The following CMC2 variants were observed in gnomAD, a reference collection of about 807,000 sequenced individuals.
The protein encoded by CMC2 is COX assembly mitochondrial protein 2 homolog.
CMC2 carries 5 observed loss-of-function variants against 7.5 expected under a neutral mutation model. The ratio of observed to expected loss-of-function variants is 0.66; its 90% CI spans 0.35 to 1.40. CMC2 has a LOEUF of 1.40. Among genes scored for constraint, CMC2 ranks in the 40% most tolerant of loss-of-function variants. The probability of loss-of-function intolerance (pLI) is 0.04; values close to 1 mark genes in which losing one functional copy is unlikely to be tolerated. For synonymous variants in CMC2, 37 were observed against 31.4 expected, an observed-to-expected ratio of 1.18 and a Z score of -0.60; for missense variants, 115 against 92.3, an observed-to-expected ratio of 1.25 and a Z score of -1.01.
At chr16:80,999,213 G>C (rs1968663755) in intron 1 of CMC2, among the ~76,000 whole-genome samples, 1 of 152,004 alleles carries the variant, frequency 6.6e-6, no homozygotes, top group African/African-American at 2.4e-5. Context: ...AATGACTTGA[G>C]TAGTTTCAGG....
Position 80,966,669 on chromosome 16 carries a change from T to A in CMC2, c.*9424A>T, listed in dbSNP as rs1189869156. 4 of 152,228 alleles carry A rather than the reference T, an allele frequency of 2.6e-5. No homozygotes were observed. Among genetic ancestry groups the A allele is most frequent in the Non-Finnish European group, 2.9e-5 (2 of 68,036 alleles). 9.4% of individuals were successfully genotyped at this position (152,228 alleles called of 1,614,324 possible). ...TTCAGGATGTATCACCTTCTGGAGA[T>A]GTAAAGTCAAAATATTGTATTTGAA... is the stretch of plus-strand genomic sequence containing the variant. On this transcript the variant is annotated 3_prime_UTR_variant, in exon 4 of 4. Transcript: ENST00000219400.
chr16:80,975,911 C>A lies in CMC2; in HGVS notation c.*182G>T, dbSNP rs1912263623. 3.5e-6 allele frequency: 2 copies of A among 569,280 alleles called. No individual in the cohort carries two copies. The highest frequency in any genetic ancestry group is 6.2e-6 in the Non-Finnish European group (2 of 322,812). 35.3% of individuals were successfully genotyped at this position (569,280 alleles called of 1,614,324 possible). On this transcript the variant is annotated 3_prime_UTR_variant, in exon 4 of 4. Transcript: ENST00000219400. Reference sequence around the variant, plus strand: ...GTTTGCTGGTAAAGGGGAGACAGTACTAAACGCCCTGCCCAACAAATACTC... The same window carrying A: ...GTTTGCTGGTAAAGGGGAGACAGTAATAAACGCCCTGCCCAACAAATACTC...
chr16:80,980,800 T>TGGGA, intron 3 of CMC2: 1 of 699,148 alleles, frequency 1.4e-6, no homozygotes, highest in East Asian at 2.7e-5. Context: ...GAGGCTGAGG[T>TGGGA]GGGAGGATCA....
rs181556445 is a variant in CMC2, at chr16:80,985,801, G to A, written c.82-3924C>T. On this transcript the variant is annotated intron_variant, in intron 2 of 3. Transcript: ENST00000219400. ...GAAAACCTGAAGGATGATAAGACCT[G>A]GTTTAGCAAACAGTAAGTGGAGCCA... Among the ~76,000 whole-genome samples the A allele has an allele frequency of 3.0e-3, 452 of 148,460 alleles. 2 individuals are homozygous for A. The highest frequency in any genetic ancestry group is 3.6e-3 in the Non-Finnish European group (240 of 67,496).
At chr16:80,991,331 T>G (rs1022303473) in intron 2 of CMC2, among the ~76,000 whole-genome samples, 6 of 151,176 alleles carry the variant, frequency 4.0e-5, no homozygotes, top group African/African-American at 1.5e-4. Flanking sequence ...AGAAAAAGAG[T>G]AACTTCAAAG....
chr16:80,980,700 G>T (rs182882844), intron 3 of CMC2: 190 of 576,866 alleles, frequency 3.3e-4, no homozygotes, highest in Non-Finnish European at 5.9e-5. Context: ...GACCAGCCTG[G>T]CCAAAACAGT....
Position 80,971,793 on chromosome 16 carries a change from T to G in CMC2, c.*4300A>C, listed in dbSNP as rs1911947774. ...ACTTAGATAGCAGCTATGTGAGTGT[T>G]CGTATTAGTCTGTATAGTTTTCTGT... On this transcript the variant is annotated 3_prime_UTR_variant, in exon 4 of 4. Transcript: ENST00000219400. 1.3e-5 allele frequency: 2 copies of G among 152,016 alleles called. No homozygotes were observed. The highest frequency in any genetic ancestry group is 4.8e-5 in the African/African-American group (2 of 41,330). The allele number at this position is 152,016 out of a possible 1,614,324, so 9.4% of individuals were successfully genotyped here. A position where few individuals can be genotyped will look rare whatever the true frequency, so the allele number is the denominator to read the frequency against.
At chr16:80,976,802 A>G (rs1912423489) in intron 3 of CMC2, among the ~76,000 whole-genome samples, 1 of 152,228 alleles carries the variant, frequency 6.6e-6, no homozygotes, top group African/African-American at 2.4e-5. Flanking sequence ...ATTTTCAAAC[A>G]TTTAATTACA....
chr16:80,998,778 T>C (rs566069216), intron 1 of CMC2: 3 of 152,094 alleles, frequency 2.0e-5, no homozygotes, highest in Non-Finnish European at 2.9e-5. Context: ...AAAAAACATA[T>C]ATATAGGGTT....
rs1032914880 is a variant in CMC2 at position 80,967,900 on chromosome 16, A to G, written c.*8193T>C. On this transcript the variant is annotated 3_prime_UTR_variant, in exon 4 of 4. Transcript: ENST00000219400. ...CTGTCATATTCAATGACAACATACC[A>G]TATTAACGCTTCCTATTTTTTTTTC... The G allele has an allele frequency of 1.3e-5, 2 of 152,206 alleles. No individual in the cohort carries two copies. Among genetic ancestry groups the G allele is most frequent in the Admixed American group, 6.5e-5 (1 of 15,278 alleles). The allele number at this position is 152,206 out of a possible 1,614,324, so 9.4% of individuals were successfully genotyped here.
At chr16:80,984,221 T>C (rs1187701791) in intron 2 of CMC2, 2 of 152,220 alleles carry the variant, frequency 1.3e-5, no homozygotes, top group Non-Finnish European at 2.9e-5. Context: ...AGGAACATAA[T>C]TAGTGTGTTT....
chr16:80,967,287 G>C lies in CMC2; in HGVS notation c.*8806C>G, dbSNP rs1030906927. ...ATCACAGCAACTTGAACTATCCCTAGAGAATTTTCCTTTAATTGTATCTGC... is the reference window on the plus strand; with the variant it reads ...ATCACAGCAACTTGAACTATCCCTACAGAATTTTCCTTTAATTGTATCTGC... On this transcript the variant is annotated 3_prime_UTR_variant, in exon 4 of 4. Coordinates refer to ENST00000219400, the MANE Select transcript of CMC2 (RefSeq NM_020188.5). 6.6e-6 allele frequency: 1 copy of C among 152,188 alleles called. No homozygotes were observed. The highest frequency in any genetic ancestry group is 1.5e-5 in the Non-Finnish European group (1 of 68,044). The allele number at this position is 152,188 out of a possible 1,614,324, so 9.4% of individuals were successfully genotyped here. A position where few individuals can be genotyped will look rare whatever the true frequency, so the allele number is the denominator to read the frequency against.
At chr16:80,989,156 C>T (rs903328299) in intron 2 of CMC2, among the ~76,000 whole-genome samples, 37 of 152,218 alleles carry the variant, frequency 2.4e-4, no homozygotes, top group African/African-American at 8.0e-4. Context: ...TGGGGACACA[C>T]TTTGAGACCA....
chr16:81,002,115 T>C (rs1339453368), intron 1 of CMC2, among the ~76,000 whole-genome samples: 1 of 152,190 alleles, frequency 6.6e-6, no homozygotes, highest in East Asian at 1.9e-4. Flanking sequence ...TGCCTTATTT[T>C]TTCCTAAAGA....
intron 3 of CMC2, chr16:80,980,699 G>A (rs1185083773): frequency 5.2e-6 from 3 of 576,972 alleles, no homozygotes; most frequent in Non-Finnish European, 9.3e-6. Context: ...AGACCAGCCT[G>A]GCCAAAACAG....
In CMC2 at chr16:80,969,391, T is replaced by C. The variant is rs1397276094; in HGVS notation, c.*6702A>G. 1 of 152,260 alleles carries C rather than the reference T, an allele frequency of 6.6e-6. No individual in the cohort carries two copies. The highest frequency in any genetic ancestry group is 1.5e-5 in the Non-Finnish European group (1 of 68,106). 9.4% of individuals were successfully genotyped at this position (152,260 alleles called of 1,614,324 possible). A position where few individuals can be genotyped will look rare whatever the true frequency, so the allele number is the denominator to read the frequency against. ...TTCACTGCAAAGCCCGGAGGGCCAA[T>C]TTGAGAACAGCAATTGGTACTGGGA... On this transcript the variant is annotated 3_prime_UTR_variant, in exon 4 of 4. Coordinates refer to ENST00000219400, the MANE Select transcript of CMC2 (RefSeq NM_020188.5).
intron 2 of CMC2, among the ~76,000 whole-genome samples, chr16:80,995,349 G>A (rs1968325749): frequency 6.7e-6 from 1 of 149,808 alleles, no homozygotes; most frequent in South Asian, 2.2e-4. Context: ...ATATCATGGT[G>A]CAAAATATAG....
intron 2 of CMC2, among the ~76,000 whole-genome samples, chr16:80,996,116 G>A (rs980908863): frequency 3.3e-5 from 5 of 152,078 alleles, no homozygotes; most frequent in Non-Finnish European, 4.4e-5. Flanking sequence ...AGCAAGGGTT[G>A]AAAAACTCTG....
rs1432768871 is a variant in CMC2 at position 80,969,191 on chromosome 16, C to A, written c.*6902G>T. On this transcript the variant is annotated 3_prime_UTR_variant, in exon 4 of 4. Transcript: ENST00000219400. ...GCAGGAGGAGAGACAGTATTTACAACAAAATTAGGTTAAAATGTAACCCTC... is the reference window on the plus strand; with the variant it reads ...GCAGGAGGAGAGACAGTATTTACAAAAAAATTAGGTTAAAATGTAACCCTC... 6.6e-6 allele frequency: 1 copy of A among 152,130 alleles called. No homozygotes were observed. Among genetic ancestry groups the A allele is most frequent in the African/African-American group, 2.4e-5 (1 of 41,408 alleles). The allele number at this position is 152,130 out of a possible 1,614,324, so 9.4% of individuals were successfully genotyped here.
Sources: allele counts gnomAD v4.1 joint callset (sites outside exome capture counted in the v4.1 genomes callset), GRCh38; gene constraint gnomAD v4.1.1; transcripts MANE v1.5; gene names NCBI Gene and HGNC (gene_info 2026-07-23, HGNC 2026-07-21).